Variants in SYT2 observed in about 807,000 individuals in gnomAD.
The protein encoded by SYT2 is synaptotagmin 2.
SYT2 carries 15 observed loss-of-function variants against 39.9 expected under a neutral mutation model. That is an observed-to-expected ratio of 0.38 (90% CI 0.25 to 0.58). The LOEUF (loss-of-function observed/expected upper bound fraction) is 0.58, where lower values mean the gene tolerates loss of function less well. Ranked by LOEUF, SYT2 falls within the 20% of genes least tolerant of loss-of-function variation. The probability of loss-of-function intolerance (pLI) is 0.70; values close to 1 mark genes in which losing one functional copy is unlikely to be tolerated. For missense variants in SYT2, 389 were observed against 530.3 expected, an observed-to-expected ratio of 0.73 and a Z score of 2.62; for synonymous variants, 181 against 204.5, an observed-to-expected ratio of 0.89 and a Z score of 0.98.
At chr1:202,638,066 T>C (rs1691790915) in intron 1 of SYT2, among the ~76,000 whole-genome samples, 1 of 152,244 alleles carries the variant, frequency 6.6e-6, no homozygotes, top group African/African-American at 2.4e-5. Context: ...CCTGCTGCAG[T>C]ACAGCCACAT....
chr1:202,706,136 T>C (rs1267462334), intron 1 of SYT2, among the ~76,000 whole-genome samples: 2 of 152,148 alleles, frequency 1.3e-5, no homozygotes, highest in Non-Finnish European at 2.9e-5. Context: ...TCACTCTGGC[T>C]ACTTCCTTGA....
intron 1 of SYT2, among the ~76,000 whole-genome samples, chr1:202,657,643 A>G (rs562674078): frequency 3.9e-5 from 6 of 152,076 alleles, no homozygotes; most frequent in African/African-American, 9.6e-5. Flanking sequence ...AGAGATGTAA[A>G]GGACCCCCCT....
chr1:202,701,700 G>A (rs936323497), intron 1 of SYT2, among the ~76,000 whole-genome samples: 1 of 152,174 alleles, frequency 6.6e-6, no homozygotes, highest in Non-Finnish European at 1.5e-5. Context: ...TCAAGCATGG[G>A]AATGGCAAAT....
At position 202,594,444 on chromosome 1, in the gene SYT2, C is replaced by T. The variant is rs1690221464; in HGVS notation, c.*2313G>A. The stretch of plus-strand genomic sequence containing the variant: ...GAGGGGATATTGACAAGGGGGTCTC[C>T]ATGAGTGAGTCTGTGGGATATGGGT... On this transcript the variant is annotated 3_prime_UTR_variant, in exon 9 of 9. Coordinates refer to ENST00000367268, the MANE Select transcript of SYT2 (RefSeq NM_177402.5). 1 of 152,138 alleles carries T rather than the reference C, an allele frequency of 6.6e-6. No homozygotes were observed. The highest frequency in any genetic ancestry group is 6.5e-5 in the Admixed American group (1 of 15,284). The allele number at this position is 152,138 out of a possible 1,614,324, so 9.4% of individuals were successfully genotyped here.
rs1287685680 is a variant in SYT2 at position 202,686,587 on chromosome 1, G to A, written c.-18+23671C>T. Among the ~76,000 whole-genome samples, 5 of 152,242 alleles carry A rather than the reference G, an allele frequency of 3.3e-5. No individual in the cohort carries two copies. The East Asian group carries it at 9.7e-4, about 29-fold the overall frequency. On this transcript the variant is annotated intron_variant, in intron 1 of 8. Transcript: ENST00000367268. ...TCCCACTCTCAGGTCCTCCTGAGGG[G>A]CCAAGGACAAGTCCTCCTGGTCATC...
chr1:202,709,276 G>A (rs1654329959), intron 1 of SYT2, among the ~76,000 whole-genome samples: 1 of 152,162 alleles, frequency 6.6e-6, no homozygotes, highest in South Asian at 2.1e-4. Flanking sequence ...CTCAGCCAGG[G>A]GTAAGGGAGG....
chr1:202,635,422 A>G (rs967892036), intron 1 of SYT2, among the ~76,000 whole-genome samples: 3 of 152,372 alleles, frequency 2.0e-5, no homozygotes, highest in African/African-American at 7.2e-5. Flanking sequence ...GACAGGCACC[A>G]GAAGGGAAAC....
At chr1:202,686,788 T>C (rs1168230434) in intron 1 of SYT2, among the ~76,000 whole-genome samples, 1 of 152,210 alleles carries the variant, frequency 6.6e-6, no homozygotes, top group Non-Finnish European at 1.5e-5. Flanking sequence ...TGCCAGTGTT[T>C]GCTTTCCTCT....
intron 1 of SYT2, among the ~76,000 whole-genome samples, chr1:202,700,534 A>T (rs1654086247): frequency 1.3e-5 from 2 of 152,242 alleles, no homozygotes; most frequent in African/African-American, 4.8e-5. Context: ...GAAATTTCTA[A>T]ATTAGCTCAA....
intron 1 of SYT2, among the ~76,000 whole-genome samples, chr1:202,625,070 TAGG>T (rs1691342796): frequency 6.6e-6 from 1 of 152,124 alleles, no homozygotes; most frequent in Non-Finnish European, 1.5e-5. Flanking sequence ...TGGTGTGTAG[TAGG>T]GTGTGTGTGT....
At position 202,623,435 on chromosome 1, in the gene SYT2, G is replaced by C. The variant is rs1017180442; in HGVS notation, c.-17-17646C>G. Among the ~76,000 whole-genome samples the C allele has an allele frequency of 6.6e-6, 1 of 152,186 alleles. No homozygotes were observed. Among genetic ancestry groups the C allele is most frequent in the African/African-American group, 2.4e-5 (1 of 41,452 alleles). On this transcript the variant is annotated intron_variant, in intron 1 of 8. Transcript: ENST00000367268. The surrounding 1 kb of genome is among the most constrained non-coding windows in gnomAD (Gnocchi z 4.2). ...CTTCTCCAGAGACTCAGAATCTTGG[G>C]CCTCCAGGGTTCCCCACTCCCCAGC...
At chr1:202,696,850 G>A (rs188670590) in intron 1 of SYT2, among the ~76,000 whole-genome samples, 11 of 152,358 alleles carry the variant, frequency 7.2e-5, no homozygotes, top group Non-Finnish European at 1.5e-5. Flanking sequence ...ATTTGAAGCA[G>A]GGGGATCAGG....
chr1:202,692,375 G>A (rs1367719298), intron 1 of SYT2, among the ~76,000 whole-genome samples: 1 of 152,040 alleles, frequency 6.6e-6, no homozygotes, highest in Non-Finnish European at 1.5e-5. Flanking sequence ...AGGCAATGAG[G>A]TATCTGGGAT....
rs770049586 is a variant in SYT2, at chr1:202,596,978, A to C, written c.1054-15T>G. On this transcript the variant is annotated splice_polypyrimidine_tract_variant and intron_variant, in intron 8 of 8. Transcript: ENST00000367268. ...ACCTGGACTTTCTGCAAGGAAAACG[A>C]GGGAGGGAGTTGGCAGACAGAGACG... 4.3e-6 allele frequency: 7 copies of C among 1,609,980 alleles called. No individual in the cohort carries two copies. Among genetic ancestry groups the C allele is most frequent in the Non-Finnish European group, 5.9e-6 (7 of 1,176,970 alleles).
chr1:202,626,245 C>T (rs1691402017), intron 1 of SYT2, among the ~76,000 whole-genome samples: 1 of 151,990 alleles, frequency 6.6e-6, no homozygotes, highest in Non-Finnish European at 1.5e-5. Context: ...CAGCCCCCAC[C>T]CTCCCTCTGC....
intron 1 of SYT2, among the ~76,000 whole-genome samples, chr1:202,648,448 C>G (rs1241935668): frequency 6.6e-6 from 1 of 152,218 alleles, no homozygotes; most frequent in African/African-American, 2.4e-5. Flanking sequence ...TTTCAAAGTG[C>G]TGGGATTACA....
Position 202,599,440 on chromosome 1 carries a change from T to C in SYT2, c.920-89A>G. On this transcript the variant is annotated intron_variant, in intron 7 of 8. Transcript: ENST00000367268. This position sits in a 1 kb window ranked among gnomAD's most constrained non-coding sequence, Gnocchi z 4.4. ...TACCAAGGCCTGCCCAGAGCATCGG[T>C]CAAGAGGGGGTCTTCACTCCGCTGA... 3 of 1,429,334 alleles carry C rather than the reference T, an allele frequency of 2.1e-6. No individual in the cohort carries two copies. Among genetic ancestry groups the C allele is most frequent in the Non-Finnish European group, 9.3e-7 (1 of 1,072,024 alleles). The allele number at this position is 1,429,334 out of a possible 1,614,324, so 88.5% of individuals were successfully genotyped here.
chr1:202,708,062 A>C (rs377047153), intron 1 of SYT2, among the ~76,000 whole-genome samples: 1 of 152,210 alleles, frequency 6.6e-6, no homozygotes, highest in African/African-American at 2.4e-5. Flanking sequence ...AGCAAGGTAC[A>C]TGCTTTGCCC....
Position 202,596,928 on chromosome 1 carries a change from G to A in SYT2, c.1089C>T (p.Asp363=). The change falls in exon 9 of 9, where the codon GAC becomes GAT. Residue 363 remains aspartate, a synonymous_variant. Coordinates refer to ENST00000367268, the MANE Select transcript of SYT2 (RefSeq NM_177402.5). ...CTATGGCTTCGTTCTTGCCCAGCTTGTCATAGTCCAGCACGGTGACCACTA... is the reference window on the plus strand; with the variant it reads ...CTATGGCTTCGTTCTTGCCCAGCTTATCATAGTCCAGCACGGTGACCACTA... ...VQVVVTVLDY[D]KLGKNEAIGK... 6.2e-7 allele frequency: 1 copy of A among 1,614,234 alleles called. No individual in the cohort carries two copies. Among genetic ancestry groups the A allele is most frequent in the Non-Finnish European group, 8.5e-7 (1 of 1,180,054 alleles).
Sources: allele counts gnomAD v4.1 joint callset (sites outside exome capture counted in the v4.1 genomes callset), GRCh38; gene constraint gnomAD v4.1.1; non-coding constraint Gnocchi (gnomAD v3.1); transcripts MANE v1.5; gene names NCBI Gene and HGNC (gene_info 2026-07-23, HGNC 2026-07-21).